HLCS: variants seen among roughly 807,000 people sequenced by gnomAD.
HLCS encodes holocarboxylase synthetase, also known as biotin--protein ligase.
A neutral mutation model predicts 75.0 loss-of-function variants in HLCS; 53 were observed. The ratio of observed to expected loss-of-function variants is 0.71; its 90% CI spans 0.57 to 0.89. The LOEUF (loss-of-function observed/expected upper bound fraction) is 0.89, where lower values mean the gene tolerates loss of function less well. Ranked by LOEUF, HLCS falls within the 40% of genes least tolerant of loss-of-function variation. The probability of loss-of-function intolerance (pLI) is 0.00; values close to 1 mark genes in which losing one functional copy is unlikely to be tolerated. For synonymous variants in HLCS, 431 were observed against 428.6 expected (o/e 1.01, Z -0.07); for missense variants, 966 against 1,074.0 (o/e 0.90, Z 1.41).
chr21:36,774,672 C>T (rs113557335), intron 6 of HLCS, among the ~76,000 whole-genome samples: 1,739 of 152,216 alleles, frequency 0.011, 22 homozygotes, highest in Non-Finnish European at 0.02. Flanking sequence ...TGTACCCATC[C>T]CTCATCACTT....
At chr21:36,869,097 A>AATTTATTTATTTATTTATTT (rs71198837) in intron 6 of HLCS, among the ~76,000 whole-genome samples, 1 of 109,080 alleles carries the variant, frequency 9.2e-6, no homozygotes, top group South Asian at 3.3e-4. Context: ...AAAGATGTTT[A>AATTTATTTATTTATTTATTT]ATTTATTTAT....
chr21:36,750,207 T>C lies in HLCS; in HGVS notation c.*4039A>G, dbSNP rs2089324251. ...GGAAGAGGAAGCATTTTAATACATA[T>C]GCCTCTCTTTTACAAAAAAGAAAAA... On this transcript the variant is annotated 3_prime_UTR_variant, in exon 11 of 11. Transcript: ENST00000674895. 6.6e-6 allele frequency among the ~76,000 whole-genome samples: 1 copy of C among 152,162 alleles called. No homozygotes were observed. Among genetic ancestry groups the C allele is most frequent in the South Asian group, 2.1e-4 (1 of 4,834 alleles).
intron 6 of HLCS, among the ~76,000 whole-genome samples, chr21:36,810,811 C>A (rs927729785): frequency 1.1e-4 from 16 of 152,106 alleles, no homozygotes; most frequent in Admixed American, 1.0e-3. Context: ...GAGCTGGGTA[C>A]AAGGTTACGC....
At chr21:36,899,346 G>A (rs753229236) in intron 5 of HLCS, among the ~76,000 whole-genome samples, 12 of 151,864 alleles carry the variant, frequency 7.9e-5, no homozygotes, top group Non-Finnish European at 1.2e-4. Context: ...AATTCAGGCC[G>A]GGCACAGTGG....
chr21:36,769,351 G>T (rs181591713), intron 6 of HLCS, among the ~76,000 whole-genome samples: 1 of 152,202 alleles, frequency 6.6e-6, no homozygotes, highest in Non-Finnish European at 1.5e-5. Context: ...AAACCGCATG[G>T]CTCACAGTCA....
intron 6 of HLCS, among the ~76,000 whole-genome samples, chr21:36,767,962 C>T (rs1400723547): frequency 1.3e-5 from 2 of 152,022 alleles, no homozygotes; most frequent in African/African-American, 4.8e-5. Flanking sequence ...TACATCCCCA[C>T]CAAATGAGTC....
intron 6 of HLCS, among the ~76,000 whole-genome samples, chr21:36,791,320 G>A (rs142631974): frequency 0.013 from 1,959 of 152,260 alleles, 27 homozygotes; most frequent in Non-Finnish European, 0.017. Flanking sequence ...TCTGGGCAGC[G>A]GTGACTGTTC....
chr21:36,945,442 T>C (rs2067343460), intron 2 of HLCS, among the ~76,000 whole-genome samples: 1 of 152,106 alleles, frequency 6.6e-6, no homozygotes, highest in Non-Finnish European at 1.5e-5. Context: ...ATAAAATGTA[T>C]ATAGCTATAC....
At chr21:36,903,013 T>A (rs1463732287) in intron 5 of HLCS, among the ~76,000 whole-genome samples, 1 of 151,964 alleles carries the variant, frequency 6.6e-6, no homozygotes, top group Non-Finnish European at 1.5e-5. Flanking sequence ...GTGAGAGGAA[T>A]GCCCCAGGAC....
intron 6 of HLCS, among the ~76,000 whole-genome samples, chr21:36,849,824 T>C (rs1415607144): frequency 6.6e-6 from 1 of 152,226 alleles, no homozygotes; most frequent in African/African-American, 2.4e-5. Flanking sequence ...TTTGCAATCA[T>C]GAACCTTGAC....
At chr21:36,877,304 CT>C (rs199973188) in intron 6 of HLCS, among the ~76,000 whole-genome samples, 3 of 151,194 alleles carry the variant, frequency 2.0e-5, no homozygotes, top group Non-Finnish European at 4.4e-5. Flanking sequence ...TTTTTTCTCT[CT>C]TTTTTTTGTG....
At chr21:36,838,751 C>T (rs2062511953) in intron 6 of HLCS, among the ~76,000 whole-genome samples, 1 of 151,186 alleles carries the variant, frequency 6.6e-6, no homozygotes, top group African/African-American at 2.4e-5. Flanking sequence ...AGAAGACACA[C>T]ACACACACAG....
intron 6 of HLCS, among the ~76,000 whole-genome samples, chr21:36,846,078 G>T (rs1383331871): frequency 6.6e-6 from 1 of 152,128 alleles, no homozygotes; most frequent in Non-Finnish European, 1.5e-5. Context: ...TAAATGTTGA[G>T]TTCCTAAAGG....
chr21:36,867,246 T>C (rs967973716), intron 6 of HLCS, among the ~76,000 whole-genome samples: 5 of 152,070 alleles, frequency 3.3e-5, no homozygotes, highest in African/African-American at 9.7e-5. Context: ...CAGCTAACTA[T>C]CCATTAGGAA....
upstream of HLCS, among the ~76,000 whole-genome samples, chr21:36,970,470 C>T (rs1760072405): frequency 2.0e-5 from 3 of 152,062 alleles, no homozygotes; most frequent in South Asian, 4.2e-4. Context: ...TGAGCTCAAG[C>T]CATCTGCCCA....
chr21:36,962,243 G>T, intron 1 of HLCS, 73 bp from the exon 2 acceptor site: 1 of 1,014,884 alleles, frequency 9.9e-7, no homozygotes, highest in Non-Finnish European at 1.3e-6. Context: ...AACCCCCTCT[G>T]AAACATACCC....
At chr21:36,966,711 C>T (rs1277280934), upstream of HLCS, 2 of 760,126 alleles carry the variant, frequency 2.6e-6, no homozygotes, top group Non-Finnish European at 3.2e-6. Flanking sequence ...CCGCCCCGGC[C>T]GGAAGGGCCG....
chr21:36,802,793 G>A (rs1394828328), intron 6 of HLCS, among the ~76,000 whole-genome samples: 1 of 152,160 alleles, frequency 6.6e-6, no homozygotes, highest in East Asian at 1.9e-4. Context: ...CATAAAAAAG[G>A]CACGATCCCC....
At chr21:36,786,858 T>G (rs2060701078) in intron 6 of HLCS, among the ~76,000 whole-genome samples, 1 of 152,100 alleles carries the variant, frequency 6.6e-6, no homozygotes, top group Admixed American at 6.6e-5. Context: ...GAAAAGACAT[T>G]GATGGGAAGG....
Sources: allele counts gnomAD v4.1 joint callset (sites outside exome capture counted in the v4.1 genomes callset), GRCh38; gene constraint gnomAD v4.1.1; transcripts MANE v1.5; gene names NCBI Gene and HGNC (gene_info 2026-07-23, HGNC 2026-07-21).